DNA2: variants seen among roughly 807,000 people sequenced by gnomAD.
DNA2 encodes the protein DNA replication helicase/nuclease 2.
In DNA2, 101 loss-of-function variants were observed where a neutral mutation model predicts 119.1. That is an observed-to-expected ratio of 0.85 (90% CI 0.72 to 1.00). DNA2 has a LOEUF of 1.00. Among genes scored for constraint, DNA2 ranks in the 50% least tolerant of loss-of-function variants. DNA2 has a pLI of 0.00. For synonymous variants in DNA2, 366 were observed against 424.4 expected (o/e 0.86, Z 1.69); for missense variants, 1,121 against 1,255.5 (o/e 0.89, Z 1.62).
chr10:68,422,877 G>A lies in DNA2; in HGVS notation c.2222C>T (p.Thr741Ile). ...ELYNSQLIVA[T>I]TCMGINHPIF... ...TGGATGGTTTATTCCCATACATGTT[G>A]TTGCAACTATAAGCTAAAAACAAGG... Residue 741 changes from threonine (T) to isoleucine (I), a missense_variant, in exon 15 of 21, where the codon ACA (threonine) becomes ATA (isoleucine). Thr to Ile is a moderately conservative substitution (Grantham distance 89). Coordinates refer to ENST00000358410, the MANE Select transcript of DNA2 (RefSeq NM_001080449.3). 6.3e-7 allele frequency: 1 copy of A among 1,576,114 alleles called. No individual in the cohort carries two copies. Among genetic ancestry groups the A allele is most frequent in the Non-Finnish European group, 8.6e-7 (1 of 1,165,772 alleles).
intron 5 of DNA2, among the ~76,000 whole-genome samples, chr10:68,452,939 C>T (rs1045903446): frequency 1.7e-4 from 25 of 148,428 alleles, no homozygotes; most frequent in Non-Finnish European, 2.2e-4. Context: ...CTCGCTCTGT[C>T]GCAGAGGCTG....
At chr10:68,429,667 G>C (rs1433566167) in intron 14 of DNA2, among the ~76,000 whole-genome samples, 2 of 121,676 alleles carry the variant, frequency 1.6e-5, no homozygotes, top group Non-Finnish European at 3.2e-5. Flanking sequence ...AGCCAGGATC[G>C]CGCCACTGCA....
At position 68,422,756 on chromosome 10, in the gene DNA2, T is replaced by C. The variant is rs199813257; in HGVS notation, c.2343A>G (p.Arg781=). ...GCTGATGGTCCCCCACTAACACAAA[T>C]CTCCGTGAAAAAAAAAGGGGGCCCA... is the stretch of plus-strand genomic sequence containing the variant. ...ICLGPLFFSR[R]FVLVGDHQQL... is the part of the protein sequence containing the mutation. The change falls in exon 15 of 21, where the codon AGA becomes AGG. Residue 781 remains arginine (R), a synonymous_variant. Transcript: ENST00000358410. The C allele has an allele frequency of 1.2e-5, 19 of 1,607,842 alleles. No homozygotes were observed. The African/African-American group carries it at 2.0e-4, about 17-fold the overall frequency.
rs369595284 is a variant in DNA2, at chr10:68,434,497, A to T, written c.1647-1987T>A. On this transcript the variant is annotated intron_variant, in intron 10 of 20. Coordinates refer to ENST00000358410, the MANE Select transcript of DNA2 (RefSeq NM_001080449.3). ...ACCCCCCCCATCTCTACAAAAAATT[A>T]AAAAATTAGCCAGGTGTGGTGGCAT... Among the ~76,000 whole-genome samples the T allele has an allele frequency of 2.0e-3, 309 of 152,052 alleles. 4 individuals are homozygous for T. Among genetic ancestry groups the T allele is most frequent in the African/African-American group, 6.9e-3 (287 of 41,482 alleles).
intron 5 of DNA2, among the ~76,000 whole-genome samples, chr10:68,450,958 G>A (rs540158403): frequency 2.6e-5 from 4 of 152,154 alleles, no homozygotes; most frequent in East Asian, 3.9e-4. Flanking sequence ...AGAATTAGCC[G>A]GGAAGGGTGG....
chr10:68,471,445 G>T (rs2052379752), intron 1 of DNA2, among the ~76,000 whole-genome samples: 1 of 152,136 alleles, frequency 6.6e-6, no homozygotes, highest in African/African-American at 2.4e-5. Flanking sequence ...GATCCCCCAA[G>T]GATAAGTTAA....
intron 9 of DNA2, among the ~76,000 whole-genome samples, chr10:68,437,481 A>T (rs951706143): frequency 5.4e-5 from 8 of 147,912 alleles, no homozygotes; most frequent in Non-Finnish European, 1.2e-4. Context: ...TACTAAAAAA[A>T]AAAAAATAAA....
chr10:68,420,518 C>G (rs1473443368), intron 17 of DNA2, among the ~76,000 whole-genome samples: 2 of 152,172 alleles, frequency 1.3e-5, no homozygotes, highest in Non-Finnish European at 2.9e-5. Flanking sequence ...GCCTGGGAGT[C>G]AGAGTGAGAC....
intron 9 of DNA2, among the ~76,000 whole-genome samples, chr10:68,439,031 C>CA (rs35393675): frequency 0.018 from 1,429 of 80,346 alleles, 17 homozygotes; most frequent in African/African-American, 0.028. Flanking sequence ...AGAATCTGTC[C>CA]AAAAAAAAAA....
At position 68,471,947 on chromosome 10, in the gene DNA2, GCGCGAGC is replaced by G. The variant is rs1400042241; in HGVS notation, c.-90_-84del. 7 of 1,612,908 alleles carry G rather than the reference GCGCGAGC, an allele frequency of 4.3e-6. No individual in the cohort carries two copies. Among genetic ancestry groups the G allele is most frequent in the Non-Finnish European group, 5.9e-6 (7 of 1,179,216 alleles). ...CAGAAAGCTTAGAAAAGGGAAAAAG[GCGCGAGC>G]CTGCGCACCTCGCGCGCATGCGCCA... On this transcript the variant is annotated 5_prime_UTR_variant, in exon 1 of 21. Transcript: ENST00000358410.
At chr10:68,425,465 G>A (rs7907028) in intron 14 of DNA2, among the ~76,000 whole-genome samples, 13,939 of 142,880 alleles carry the variant, frequency 0.098, 968 homozygotes, top group South Asian at 0.25. Context: ...CAGTGGCGGC[G>A]ATCTCGGCTC....
intron 6 of DNA2, among the ~76,000 whole-genome samples, chr10:68,448,035 G>A (rs191387394): frequency 6.6e-6 from 1 of 151,924 alleles, no homozygotes; most frequent in East Asian, 1.9e-4. Context: ...ATGCTTCTCA[G>A]TTTTACTTAG....
intron 19 of DNA2, among the ~76,000 whole-genome samples, chr10:68,418,669 ATT>A (rs34507769): frequency 0.024 from 2,693 of 113,762 alleles, 60 homozygotes; most frequent in African/African-American, 0.093. Context: ...TTAAACCGCA[ATT>A]TTTTTTTTTT....
At chr10:68,424,809 C>A in intron 14 of DNA2, 2 of 1,082,244 alleles carry the variant, frequency 1.8e-6, no homozygotes, top group Non-Finnish European at 1.4e-6. Flanking sequence ...CTACACTGAG[C>A]AGGTGCAGCG....
At chr10:68,428,900 A>C (rs2051778785) in intron 14 of DNA2, among the ~76,000 whole-genome samples, 1 of 152,176 alleles carries the variant, frequency 6.6e-6, no homozygotes, top group South Asian at 2.1e-4. Flanking sequence ...CAATGTCAAC[A>C]TCCTGGGTGT....
Position 68,471,914 on chromosome 10 carries a change from G to A in DNA2, c.-50C>T. On this transcript the variant is annotated 5_prime_UTR_variant, in exon 1 of 21. Coordinates refer to ENST00000358410, the MANE Select transcript of DNA2 (RefSeq NM_001080449.3). The stretch of plus-strand genomic sequence containing the variant: ...TAGACAGAAAAGACAGCGGAACCGG[G>A]GGTAACACAGAAAGCTTAGAAAAGG... 1.9e-6 allele frequency: 3 copies of A among 1,613,828 alleles called. No homozygotes were observed. Among genetic ancestry groups the A allele is most frequent in the Non-Finnish European group, 2.5e-6 (3 of 1,179,742 alleles).
Position 68,465,757 on chromosome 10 carries a change from A to C in DNA2, c.497T>G (p.Phe166Cys), listed in dbSNP as rs1377369985. 1 of 1,608,098 alleles carries C rather than the reference A, an allele frequency of 6.2e-7. No homozygotes were observed. Among genetic ancestry groups the C allele is most frequent in the East Asian group, 2.2e-5 (1 of 44,738 alleles). ...MLIGTVLHEV[F>C]QKAINNSFAP... Reference sequence around the variant, plus strand: ...AAAGCTATTATTTATGGCTTTTTGAAACACCTCATGGAGAACCGTACCAAT... The same window carrying C: ...AAAGCTATTATTTATGGCTTTTTGACACACCTCATGGAGAACCGTACCAAT... The change falls in exon 4 of 21, where the codon TTT (phenylalanine) becomes TGT (cysteine). Residue 166 changes from phenylalanine to cysteine, a missense_variant. Physicochemically the swap from Phe to Cys is radical, Grantham distance 205. Transcript: ENST00000358410.
At position 68,432,231 on chromosome 10, in the gene DNA2, C is replaced by G. The variant is rs2051831804; in HGVS notation, c.1848G>C (p.Lys616Asn). 4 of 1,601,502 alleles carry G rather than the reference C, an allele frequency of 2.5e-6. No individual in the cohort carries two copies. In the South Asian group the frequency reaches 4.5e-5, roughly 18 times the overall value. Residue 616 changes from lysine (K) to asparagine (N), a missense_variant, in exon 12 of 21, where the codon AAG becomes AAC. Transcript: ENST00000358410. ...YLSSVLPHDA[K>N]DTVACILKGL... ...CCTTTAGAATGCAGGCAACTGTATC[C>G]TTTGCATCATGTGGAAGAACAGAAC...
chr10:68,427,816 G>A (rs1439242936), intron 14 of DNA2, among the ~76,000 whole-genome samples: 2 of 152,040 alleles, frequency 1.3e-5, no homozygotes, highest in African/African-American at 4.8e-5. Context: ...GGTGGATCAC[G>A]AGGTCGGGAG....
Sources: gnomAD v4.1 joint callset for allele counts (sites outside exome capture counted in the v4.1 genomes callset) on GRCh38, gnomAD v4.1.1 for gene constraint, MANE v1.5 for transcripts, NCBI Gene and HGNC (gene_info 2026-07-23, HGNC 2026-07-21) for gene names.